Variants in BTRC observed in about 807,000 individuals in gnomAD.
BTRC encodes the protein F-box/WD repeat-containing protein 1A.
A neutral mutation model predicts 85.5 loss-of-function variants in BTRC; 42 were observed. The ratio of observed to expected loss-of-function variants is 0.49; its 90% CI spans 0.38 to 0.64. BTRC has a LOEUF of 0.64. Among genes scored for constraint, BTRC ranks in the 30% least tolerant of loss-of-function variants. BTRC has a pLI of 0.00. For missense variants in BTRC, 594 were observed against 743.5 expected, an observed-to-expected ratio of 0.80 and a Z score of 2.34; for synonymous variants, 255 against 263.3, an observed-to-expected ratio of 0.97 and a Z score of 0.30.
At chr10:101,439,045 T>A (rs1944611953) in intron 2 of BTRC, among the ~76,000 whole-genome samples, 1 of 152,122 alleles carries the variant, frequency 6.6e-6, no homozygotes, top group Non-Finnish European at 1.5e-5. Flanking sequence ...GGTTTATGAA[T>A]GTAGTTAGAT....
intron 4 of BTRC, among the ~76,000 whole-genome samples, chr10:101,489,997 G>C (rs1177271722): frequency 2.0e-5 from 3 of 152,056 alleles, no homozygotes; most frequent in African/African-American, 7.2e-5. Context: ...CATTAGTCTA[G>C]TCCTTTGGCA....
At chr10:101,531,367 G>C in intron 7 of BTRC, 34 bp downstream of exon 7, 1 of 1,459,244 alleles carries the variant, frequency 6.9e-7, no homozygotes, top group Non-Finnish European at 9.6e-7. Context: ...TATTGCCCAA[G>C]GGCACAGAAT....
intron 4 of BTRC, among the ~76,000 whole-genome samples, chr10:101,483,962 G>T (rs1342536864): frequency 6.6e-6 from 1 of 151,954 alleles, no homozygotes; most frequent in East Asian, 1.9e-4. Context: ...TTGGTCTTAG[G>T]TTTTTTTCCC....
chr10:101,534,624 G>A (rs1345150994), intron 9 of BTRC, 37 bp from the exon 10 acceptor site: 1 of 1,610,910 alleles, frequency 6.2e-7, no homozygotes, highest in Admixed American at 1.7e-5. Context: ...ACAGATTGTA[G>A]CTTGAGTACC....
intron 3 of BTRC, among the ~76,000 whole-genome samples, chr10:101,465,590 A>G (rs1945352480): frequency 6.6e-6 from 1 of 152,208 alleles, no homozygotes; most frequent in Non-Finnish European, 1.5e-5. Flanking sequence ...ACAAATATTT[A>G]AGGAAGAAAT....
chr10:101,478,802 G>GA (rs1012078533), intron 3 of BTRC, among the ~76,000 whole-genome samples: 2 of 147,914 alleles, frequency 1.4e-5, no homozygotes, highest in Non-Finnish European at 1.5e-5. Context: ...AAAAAGAAAA[G>GA]AAAAAAAGAG....
chr10:101,389,322 C>T (rs1589412198), intron 1 of BTRC, among the ~76,000 whole-genome samples: 1 of 151,922 alleles, frequency 6.6e-6, no homozygotes, highest in Non-Finnish European at 1.5e-5. Context: ...TCTGCCTACA[C>T]TGCTATCAAC....
intron 1 of BTRC, among the ~76,000 whole-genome samples, chr10:101,381,882 A>C (rs1942937844): frequency 6.6e-6 from 1 of 150,910 alleles, no homozygotes; most frequent in East Asian, 1.9e-4. Context: ...CCACTCAGGA[A>C]ATTTAACACT....
chr10:101,532,920 A>G (rs760243876), intron 8 of BTRC, 32 bp from the exon 9 acceptor site: 1 of 1,533,056 alleles, frequency 6.5e-7, no homozygotes, highest in South Asian at 1.1e-5. Flanking sequence ...CCATCATCAC[A>G]TTGATCAAAA....
Position 101,404,002 on chromosome 10 carries a change from G to GTATATA in BTRC, c.49-26319_49-26314dup, listed in dbSNP as rs753639521. ...CCTATCTATGTGTATGTGTGTGTGT[G>GTATATA]TATATATATATATATATATATATAT... is the stretch of plus-strand genomic sequence containing the variant. On this transcript the variant is annotated intron_variant, in intron 1 of 14. Transcript: ENST00000370187. Among the ~76,000 whole-genome samples the GTATATA allele has an allele frequency of 1.9e-3, 116 of 61,738 alleles. 5 individuals carry two copies. Among genetic ancestry groups the GTATATA allele is most frequent in the African/African-American group, 7.5e-3 (104 of 13,902 alleles). 40.5% of individuals were successfully genotyped at this position (61,738 alleles called of 152,430 possible). A position where few individuals can be genotyped will look rare whatever the true frequency, so the allele number is the denominator to read the frequency against.
At chr10:101,395,233 G>A (rs140141029) in intron 1 of BTRC, among the ~76,000 whole-genome samples, 3 of 152,164 alleles carry the variant, frequency 2.0e-5, no homozygotes, top group Non-Finnish European at 4.4e-5. Context: ...AGAGAGATGG[G>A]GTTTTGTATA....
intron 1 of BTRC, among the ~76,000 whole-genome samples, chr10:101,424,490 C>T (rs186073323): frequency 3.3e-5 from 5 of 152,270 alleles, no homozygotes; most frequent in Admixed American, 6.5e-5. Context: ...CTTAAGGATA[C>T]GTAAACTCTC....
intron 1 of BTRC, among the ~76,000 whole-genome samples, chr10:101,367,897 A>G (rs1480302072): frequency 6.6e-6 from 1 of 152,208 alleles, no homozygotes; most frequent in Non-Finnish European, 1.5e-5. Flanking sequence ...TTGTGCTATT[A>G]TAAATAATCT....
At chr10:101,476,084 C>G (rs1461512824) in intron 3 of BTRC, among the ~76,000 whole-genome samples, 2 of 151,710 alleles carry the variant, frequency 1.3e-5, no homozygotes, top group Admixed American at 6.6e-5. Flanking sequence ...GTGAGAGGGG[C>G]ACATCACCTC....
intron 1 of BTRC, among the ~76,000 whole-genome samples, chr10:101,374,795 A>T (rs1451868259): frequency 2.6e-5 from 4 of 152,148 alleles, no homozygotes; most frequent in African/African-American, 4.8e-5. Context: ...ATAAAAAAAA[A>T]AAAAAGAAAA....
At chr10:101,354,367 A>C in intron 1 of BTRC, 139 bp downstream of exon 1, 2 of 971,018 alleles carry the variant, frequency 2.1e-6, no homozygotes, top group Non-Finnish European at 2.9e-6. Context: ...GAGGGATGGG[A>C]TGGGAGCTCC....
At chr10:101,547,862 A>G (rs1161040477) in intron 13 of BTRC, among the ~76,000 whole-genome samples, 3 of 152,214 alleles carry the variant, frequency 2.0e-5, no homozygotes, top group Admixed American at 6.5e-5. Flanking sequence ...TCAGAAATCA[A>G]TCAGTGTAAT....
Position 101,405,323 on chromosome 10 carries a change from T to TTTCC in BTRC, c.49-25019_49-25016dup, listed in dbSNP as rs55978707. On this transcript the variant is annotated intron_variant, in intron 1 of 14. Transcript: ENST00000370187. ...CAACTCCTCTGATCAGAGAGGAAGG[T>TTTCC]TTCCTTACTTCAGAGTTTTAGCCTT... 9.5e-3 allele frequency among the ~76,000 whole-genome samples: 1,450 copies of TTTCC among 152,166 alleles called. 17 individuals are homozygous for TTTCC. Among genetic ancestry groups the TTTCC allele is most frequent in the Non-Finnish European group, 0.012 (820 of 67,990 alleles).
intron 14 of BTRC, chr10:101,551,278 A>G (rs1439339481): frequency 1.3e-5 from 2 of 158,668 alleles, no homozygotes; most frequent in African/African-American, 2.4e-5. Context: ...TTTCAAGCCA[A>G]GTAAACAGTC....
Sources: gnomAD v4.1 joint callset for allele counts (sites outside exome capture counted in the v4.1 genomes callset) on GRCh38, gnomAD v4.1.1 for gene constraint, MANE v1.5 for transcripts, NCBI Gene and HGNC (gene_info 2026-07-23, HGNC 2026-07-21) for gene names.